RUNDC3A: variants seen among roughly 807,000 people sequenced by gnomAD.
The protein encoded by RUNDC3A is RUN domain containing 3A.
Under a neutral mutation model 53.9 loss-of-function variants are expected in RUNDC3A, and 28 were observed. The observed-to-expected ratio is 0.52, with a 90% confidence interval of 0.38 to 0.71. RUNDC3A has a LOEUF of 0.71. Ranked by LOEUF, RUNDC3A falls within the 30% of genes least tolerant of loss-of-function variation. RUNDC3A has a pLI of 0.00. For synonymous variants in RUNDC3A, 232 were observed against 249.4 expected, an observed-to-expected ratio of 0.93 and a Z score of 0.66; for missense variants, 491 against 597.3, an observed-to-expected ratio of 0.82 and a Z score of 1.85.
Position 44,315,711 on chromosome 17 carries a change from G to A in RUNDC3A, c.953+102G>A, listed in dbSNP as rs2047849537. ...CATCGACTCTAACATCACCCGACACGAGCACCCACCTCTCCAGCATCAACC... is the reference window on the plus strand; with the variant it reads ...CATCGACTCTAACATCACCCGACACAAGCACCCACCTCTCCAGCATCAACC... On this transcript the variant is annotated intron_variant, in intron 8 of 10. Transcript: ENST00000426726. The surrounding 1 kb of genome is among the most constrained non-coding windows in gnomAD (Gnocchi z 6.1). 9.1e-6 allele frequency: 10 copies of A among 1,099,626 alleles called. No homozygotes were observed. The highest frequency in any genetic ancestry group is 3.3e-4 in the Middle Eastern group (1 of 3,036). 68.1% of individuals were successfully genotyped at this position (1,099,626 alleles called of 1,614,324 possible).
intron 10 of RUNDC3A, 138 bp from the exon 11 acceptor site, chr17:44,317,958 C>T: frequency 1.1e-6 from 1 of 870,658 alleles, no homozygotes; most frequent in Non-Finnish European, 1.8e-6. Flanking sequence ...CAAAGTTTAA[C>T]TGAAAATGGC....
intron 1 of RUNDC3A, chr17:44,311,343 T>G (rs2047744061): frequency 1.0e-6 from 1 of 985,372 alleles, no homozygotes; most frequent in Non-Finnish European, 1.2e-6. Context: ...GCCACAGATG[T>G]AGCAGAAAGA....
In RUNDC3A at chr17:44,313,086, C is replaced by G; in HGVS notation, c.224-18C>G. The G allele has an allele frequency of 6.2e-7, 1 of 1,612,032 alleles. No individual in the cohort carries two copies. The highest frequency in any genetic ancestry group is 8.5e-7 in the Non-Finnish European group (1 of 1,178,284). On this transcript the variant is annotated intron_variant, in intron 2 of 10. Coordinates refer to ENST00000426726, the MANE Select transcript of RUNDC3A (RefSeq NM_001144825.2). ...AAACTCCCTGGTCTTGCTGAGCCCCCTCCCTGCCCTGGCTCAGCCTGTGCC... is the reference window on the plus strand; with the variant it reads ...AAACTCCCTGGTCTTGCTGAGCCCCGTCCCTGCCCTGGCTCAGCCTGTGCC...
chr17:44,312,094 AC>A (rs1178585942), intron 1 of RUNDC3A, among the ~76,000 whole-genome samples: 1 of 152,094 alleles, frequency 6.6e-6, no homozygotes, highest in Non-Finnish European at 1.5e-5. Flanking sequence ...GGTACAGGTG[AC>A]CCCCATCCCC....
chr17:44,316,820 CTTTT>C (rs35019446), intron 10 of RUNDC3A, 95 bp downstream of exon 10: 6,187 of 391,584 alleles, frequency 0.016, no homozygotes, highest in South Asian at 0.021. Flanking sequence ...TTCTCTTAGT[CTTTT>C]TTTTTTTTTT....
chr17:44,314,688 G>GA, intron 4 of RUNDC3A, 47 bp from the exon 5 acceptor site: 1 of 931,062 alleles, frequency 1.1e-6, no homozygotes, highest in Non-Finnish European at 1.5e-6. Context: ...GGGGGGGGGG[G>GA]CGCTCCAGGG....
rs116182688 is a variant in RUNDC3A at position 44,315,111 on chromosome 17, G to A, written c.630-44G>A. Reference sequence around the variant, plus strand: ...CTCAGCGGCCAGCGCAGACGCGCGGGGGGAGGGGCGGGACCGGCCGTGCCC... The same window carrying A: ...CTCAGCGGCCAGCGCAGACGCGCGGAGGGAGGGGCGGGACCGGCCGTGCCC... On this transcript the variant is annotated intron_variant, in intron 6 of 10. Transcript: ENST00000426726. The surrounding 1 kb of genome is among the most constrained non-coding windows in gnomAD (Gnocchi z 6.1). The A allele has an allele frequency of 5.6e-3, 8,928 of 1,599,118 alleles. 135 individuals carry two copies. Among genetic ancestry groups the A allele is most frequent in the African/African-American group, 0.052 (3,864 of 74,662 alleles).
In RUNDC3A at chr17:44,308,799, C is replaced by A; in HGVS notation, c.-34C>A. The A allele has an allele frequency of 7.0e-7, 1 of 1,436,724 alleles. No homozygotes were observed. The highest frequency in any genetic ancestry group is 1.3e-5 in the South Asian group (1 of 77,984). The allele number at this position is 1,436,724 out of a possible 1,614,324, so 89.0% of individuals were successfully genotyped here. A position where few individuals can be genotyped will look rare whatever the true frequency, so the allele number is the denominator to read the frequency against. On this transcript the variant is annotated 5_prime_UTR_variant, in exon 1 of 11. Coordinates refer to ENST00000426726, the MANE Select transcript of RUNDC3A (RefSeq NM_001144825.2). The stretch of plus-strand genomic sequence containing the variant: ...TGGGGCTCCGGGAGGGGTGGGGGGG[C>A]AGCGGGCGGCGGCAGCAGTGGCCGC...
chr17:44,315,093 G>A lies in RUNDC3A; in HGVS notation c.630-62G>A, dbSNP rs2047830552. 9 of 1,606,638 alleles carry A rather than the reference G, an allele frequency of 5.6e-6. No individual in the cohort carries two copies. ...CGTCCTGGTCCCACCGCCCTCAGCG[G>A]CCAGCGCAGACGCGCGGGGGGAGGG... On this transcript the variant is annotated intron_variant, in intron 6 of 10. Transcript: ENST00000426726. The surrounding 1 kb of genome is among the most constrained non-coding windows in gnomAD (Gnocchi z 6.1).
At chr17:44,312,552 T>G in intron 1 of RUNDC3A, 28 bp from the exon 2 acceptor site, 1 of 1,322,748 alleles carries the variant, frequency 7.6e-7, no homozygotes, top group East Asian at 2.5e-5. Context: ...GACACCCCAC[T>G]GCCCCATCTC....
At chr17:44,310,807 A>G (rs1308059532) in intron 1 of RUNDC3A, 9 of 985,418 alleles carry the variant, frequency 9.1e-6, no homozygotes, top group Non-Finnish European at 1.1e-5. Flanking sequence ...TCCAGGCCCC[A>G]TCATGGTCTG....
intron 10 of RUNDC3A, chr17:44,316,980 G>A (rs1031104576): frequency 2.6e-5 from 12 of 463,474 alleles, no homozygotes; most frequent in Admixed American, 3.8e-5. Flanking sequence ...CTGCCACCAC[G>A]CGCAGCTAAT....
chr17:44,317,932 C>A, intron 10 of RUNDC3A, 164 bp from the exon 11 acceptor site: 1 of 656,580 alleles, frequency 1.5e-6, no homozygotes, highest in Admixed American at 2.7e-5. Flanking sequence ...GTGCCTGGCA[C>A]AGGCAGGTGC....
At chr17:44,312,720 C>A in intron 2 of RUNDC3A, 25 bp downstream of exon 2, 1 of 1,279,698 alleles carries the variant, frequency 7.8e-7, no homozygotes, top group African/African-American at 1.5e-5. Context: ...CCTCCCCCAG[C>A]GGTCCCTCCC....
intron 10 of RUNDC3A, chr17:44,316,977 C>T: frequency 2.1e-6 from 1 of 467,212 alleles, no homozygotes; most frequent in Non-Finnish European, 3.8e-6. Context: ...CGCCTGCCAC[C>T]ACGCGCAGCT....
In RUNDC3A at chr17:44,318,317, A is replaced by G. The variant is rs1052520913; in HGVS notation, c.*79A>G. On this transcript the variant is annotated 3_prime_UTR_variant, in exon 11 of 11. Transcript: ENST00000426726. ...ACCTTTCTTCAACAAGAGTCCCCCAATCCAGGCTACCCTTCCAGAGAACGC... is the reference window on the plus strand; with the variant it reads ...ACCTTTCTTCAACAAGAGTCCCCCAGTCCAGGCTACCCTTCCAGAGAACGC... 110 of 1,424,920 alleles carry G rather than the reference A, an allele frequency of 7.7e-5. No individual in the cohort carries two copies. The highest frequency in any genetic ancestry group is 7.0e-4 in the South Asian group (56 of 79,608). 88.3% of individuals were successfully genotyped at this position (1,424,920 alleles called of 1,614,324 possible).
At chr17:44,317,267 G>A (rs531706325) in intron 10 of RUNDC3A, 6 of 615,858 alleles carry the variant, frequency 9.7e-6, no homozygotes, top group African/African-American at 3.7e-5. Flanking sequence ...TGTGAGCTTG[G>A]TCAATCACTT....
Position 44,312,680 on chromosome 17 carries a change from A to T in RUNDC3A, c.208A>T (p.Ser70Cys). ...TGCAGCCATTTTAGAGCAGATCCTC[A>T]GCCACCGCTTCAAAGGTGGGCCCAG... Reference protein sequence around the residue: ...NFAAILEQILSHRFKACAPAG... With the variant: ...NFAAILEQILCHRFKACAPAG... The change falls in exon 2 of 11, where the codon AGC becomes TGC. Residue 70 changes from serine (S) to cysteine (C), a missense_variant. Transcript: ENST00000426726. 6.4e-7 allele frequency: 1 copy of T among 1,565,386 alleles called. No homozygotes were observed. Among genetic ancestry groups the T allele is most frequent in the South Asian group, 1.2e-5 (1 of 84,232 alleles).
At position 44,314,956 on chromosome 17, in the gene RUNDC3A, C is replaced by T. The variant is rs369120577; in HGVS notation, c.576C>T (p.Asp192=). 1.6e-5 allele frequency: 26 copies of T among 1,614,022 alleles called. No homozygotes were observed. In the African/African-American group the frequency reaches 2.8e-4, roughly 17 times the overall value. Residue 192 remains aspartate (D), a synonymous_variant, in exon 6 of 11, where the codon GAC becomes GAT. Transcript: ENST00000426726. ...TCTGTCTAAAGGGGGAAGTCCTGGA[C>T]GGGAAGACCCCCGTGGTCATCGATT... is the stretch of plus-strand genomic sequence containing the variant. ...FSFCLKGEVL[D]GKTPVVIDYT...
Sources: allele counts gnomAD v4.1 joint callset (sites outside exome capture counted in the v4.1 genomes callset), GRCh38; gene constraint gnomAD v4.1.1; non-coding constraint Gnocchi (gnomAD v3.1); transcripts MANE v1.5; gene names NCBI Gene and HGNC (gene_info 2026-07-23, HGNC 2026-07-21).